Variants in GRID2 observed in about 807,000 individuals in gnomAD.
The protein encoded by GRID2 is glutamate receptor ionotropic, delta-2.
A neutral mutation model predicts 114.8 loss-of-function variants in GRID2; 33 were observed. The observed-to-expected ratio is 0.29, with a 90% confidence interval of 0.22 to 0.38. GRID2 has a LOEUF of 0.38. GRID2 is among the 10% of genes least tolerant of loss of function. GRID2 has a pLI of 1.00. For synonymous variants in GRID2, 505 were observed against 449.9 expected, an observed-to-expected ratio of 1.12 and a Z score of -1.55; for missense variants, 1,184 against 1,257.7, an observed-to-expected ratio of 0.94 and a Z score of 0.89.
intron 8 of GRID2, among the ~76,000 whole-genome samples, chr4:93,387,468 T>A (rs939623377): frequency 2.0e-5 from 3 of 152,068 alleles, no homozygotes; most frequent in African/African-American, 7.2e-5. Flanking sequence ...GGGGGAAAAA[T>A]CTCAGCTGAT....
intron 1 of GRID2, among the ~76,000 whole-genome samples, chr4:92,322,830 G>A (rs1726386616): frequency 6.6e-6 from 1 of 152,112 alleles, no homozygotes; most frequent in African/African-American, 2.4e-5. Context: ...TAATTACTTA[G>A]AGGACTTTTA....
At chr4:93,580,893 A>G (rs1736915653) in intron 13 of GRID2, among the ~76,000 whole-genome samples, 1 of 150,596 alleles carries the variant, frequency 6.6e-6, no homozygotes, top group Non-Finnish European at 1.5e-5. Context: ...ATATATATAC[A>G]ATTTAACTTC....
intron 1 of GRID2, among the ~76,000 whole-genome samples, chr4:92,480,468 C>G (rs887468989): frequency 5.3e-5 from 8 of 152,092 alleles, no homozygotes; most frequent in Non-Finnish European, 8.8e-5. Context: ...AGTGATTTCT[C>G]TTGCCACAGT....
intron 14 of GRID2, among the ~76,000 whole-genome samples, chr4:93,749,066 G>A (rs1385968532): frequency 3.9e-5 from 6 of 151,904 alleles, no homozygotes; most frequent in Non-Finnish European, 8.8e-5. Context: ...TAGCAAAAGT[G>A]GGTGGGGGTG....
At chr4:93,803,235 A>G (rs1203167140) in intron 1 of GRID2, among the ~76,000 whole-genome samples, 4 of 152,144 alleles carry the variant, frequency 2.6e-5, no homozygotes, top group Non-Finnish European at 5.9e-5. Context: ...ATCACACTCA[A>G]CTCTGATACT....
intron 13 of GRID2, among the ~76,000 whole-genome samples, chr4:93,537,974 T>TGC (rs1732265367): frequency 3.3e-5 from 5 of 151,828 alleles, no homozygotes; most frequent in Non-Finnish European, 5.9e-5. Context: ...TAAGGTTTTC[T>TGC]ATCCTGAAAT....
intron 2 of GRID2, among the ~76,000 whole-genome samples, chr4:92,693,305 C>T (rs1439306562): frequency 6.6e-6 from 1 of 151,970 alleles, no homozygotes; most frequent in Non-Finnish European, 1.5e-5. Flanking sequence ...TATAAAATTT[C>T]TTAACTGTTA....
intron 2 of GRID2, among the ~76,000 whole-genome samples, chr4:92,858,643 C>T (rs1403243056): frequency 2.0e-5 from 3 of 152,112 alleles, no homozygotes; most frequent in African/African-American, 4.8e-5. Flanking sequence ...CTGCAAGCTC[C>T]GACTCCCAGG....
chr4:93,191,812 T>C (rs1741007702), intron 4 of GRID2, among the ~76,000 whole-genome samples: 1 of 152,198 alleles, frequency 6.6e-6, no homozygotes, highest in Admixed American at 6.5e-5. Flanking sequence ...GCTTTTAATT[T>C]ACTCAAAATT....
At chr4:92,597,061 CT>C (rs541430489) in intron 2 of GRID2, among the ~76,000 whole-genome samples, 5 of 151,374 alleles carry the variant, frequency 3.3e-5, no homozygotes, top group Admixed American at 2.0e-4. Flanking sequence ...CAGGTATTTT[CT>C]TTTTTTTACG....
intron 14 of GRID2, among the ~76,000 whole-genome samples, chr4:93,627,309 C>T (rs1292197085): frequency 6.6e-6 from 1 of 152,112 alleles, no homozygotes; most frequent in African/African-American, 2.4e-5. Flanking sequence ...AAATTTCAAA[C>T]AACTTGAGTT....
chr4:92,636,888 T>A (rs1731091182), intron 2 of GRID2, among the ~76,000 whole-genome samples: 1 of 152,030 alleles, frequency 6.6e-6, no homozygotes. Flanking sequence ...TTTTTAATTT[T>A]ATTTGTAAGA....
intron 1 of GRID2, among the ~76,000 whole-genome samples, chr4:92,414,499 A>G (rs1362231597): frequency 1.3e-5 from 2 of 152,194 alleles, no homozygotes; most frequent in African/African-American, 4.8e-5. Context: ...GATGATAGTC[A>G]AAGGGATGGA....
intron 11 of GRID2, among the ~76,000 whole-genome samples, chr4:93,472,336 A>G (rs1044264621): frequency 1.9e-4 from 29 of 152,090 alleles, no homozygotes; most frequent in East Asian, 5.9e-4. Context: ...AAAAAAAGTT[A>G]TAATTTTATC....
intron 1 of GRID2, among the ~76,000 whole-genome samples, chr4:92,520,536 A>G (rs1322500931): frequency 6.6e-6 from 1 of 151,894 alleles, no homozygotes; most frequent in South Asian, 2.1e-4. Flanking sequence ...TACCAGGTGG[A>G]GTGACCTAAG....
At chr4:93,559,027 A>T (rs531384196) in intron 13 of GRID2, among the ~76,000 whole-genome samples, 1 of 152,294 alleles carries the variant, frequency 6.6e-6, no homozygotes, top group African/African-American at 2.4e-5. Flanking sequence ...CTTTGACAAA[A>T]TTCAACACCC....
At chr4:92,836,539 C>CA (rs535458738) in intron 2 of GRID2, among the ~76,000 whole-genome samples, 747 of 147,100 alleles carry the variant, frequency 5.1e-3, no homozygotes, top group Non-Finnish European at 8.4e-3. Flanking sequence ...AAGTACTAAC[C>CA]AAAAAAAAAC....
chr4:93,669,402 A>G (rs1451550462), intron 14 of GRID2, among the ~76,000 whole-genome samples: 3 of 152,028 alleles, frequency 2.0e-5, no homozygotes. Flanking sequence ...CACAGTACAA[A>G]AATATATATT....
intron 1 of GRID2, among the ~76,000 whole-genome samples, chr4:92,578,729 T>TATCA (rs1160455997): frequency 3.4e-5 from 5 of 147,458 alleles, no homozygotes; most frequent in African/African-American, 7.5e-5. Flanking sequence ...TCTATCTATC[T>TATCA]ATCAATCTAT....
Sources: gnomAD v4.1 joint callset for allele counts (sites outside exome capture counted in the v4.1 genomes callset) on GRCh38, gnomAD v4.1.1 for gene constraint, MANE v1.5 for transcripts, NCBI Gene and HGNC (gene_info 2026-07-23, HGNC 2026-07-21) for gene names.